ITGA9: variants seen among roughly 807,000 people sequenced by gnomAD.
ITGA9 encodes integrin subunit alpha 9.
Under a neutral mutation model 127.8 loss-of-function variants are expected in ITGA9, and 56 were observed. The ratio of observed to expected loss-of-function variants is 0.44; its 90% confidence interval spans 0.35 to 0.55. The LOEUF is 0.55. Ranked by LOEUF, ITGA9 falls within the 20% of genes least tolerant of loss-of-function variation. The probability of loss-of-function intolerance (pLI) is 0.00; values close to 1 mark genes in which losing one functional copy is unlikely to be tolerated. For synonymous variants in ITGA9, 508 were observed against 514.5 expected (o/e 0.99, Z 0.17); for missense variants, 1,196 against 1,347.1 (o/e 0.89, Z 1.76).
intron 17 of ITGA9, among the ~76,000 whole-genome samples, chr3:37,666,151 C>T (rs949181580): frequency 3.3e-5 from 5 of 152,108 alleles, no homozygotes; most frequent in East Asian, 1.9e-4. Context: ...GTCATGATCA[C>T]GATGGGAATA....
chr3:37,744,646 C>T (rs1696478945), intron 22 of ITGA9, among the ~76,000 whole-genome samples: 1 of 152,228 alleles, frequency 6.6e-6, no homozygotes, highest in South Asian at 2.1e-4. Flanking sequence ...ACTGTTTCTT[C>T]TCTTAGTTGG....
At chr3:37,644,647 T>TAA (rs1051936740) in intron 16 of ITGA9, among the ~76,000 whole-genome samples, 2 of 151,880 alleles carry the variant, frequency 1.3e-5, no homozygotes, top group East Asian at 3.9e-4. Context: ...AGCCATGGAG[T>TAA]AAAAAAAACA....
At chr3:37,798,593 T>G (rs2051203) in intron 26 of ITGA9, among the ~76,000 whole-genome samples, 43,874 of 152,066 alleles carry the variant, frequency 0.29, 8,320 homozygotes, top group African/African-American at 0.55. Context: ...CTGGTGGAGG[T>G]CCCAAATTCT....
intron 17 of ITGA9, among the ~76,000 whole-genome samples, chr3:37,673,899 GTC>G (rs1700659035): frequency 6.6e-6 from 1 of 152,192 alleles, no homozygotes; most frequent in African/African-American, 2.4e-5. Context: ...AAATCCGTGA[GTC>G]TCTAAATTTT....
rs1697299793 is a variant in ITGA9 at position 37,806,594 on chromosome 3, G to T, written c.3009+2652G>T. ...TTTGTTTAAAAAAGCATGGTTGCAGGAGATGCTGTCATGGGTGGGGAGAAC... is the reference window on the plus strand; with the variant it reads ...TTTGTTTAAAAAAGCATGGTTGCAGTAGATGCTGTCATGGGTGGGGAGAAC... On this transcript the variant is annotated intron_variant, in intron 27 of 27. Transcript: ENST00000264741. This position sits in a 1 kb window ranked among gnomAD's most constrained non-coding sequence, Gnocchi z 4.3. 6.6e-6 allele frequency: 1 copy of T among 152,530 alleles called. No homozygotes were observed. Among genetic ancestry groups the T allele is most frequent in the Non-Finnish European group, 1.5e-5 (1 of 68,322 alleles). The allele number at this position is 152,530 out of a possible 1,614,324, so 9.4% of individuals were successfully genotyped here. A position where few individuals can be genotyped will look rare whatever the true frequency, so the allele number is the denominator to read the frequency against.
At chr3:37,541,764 C>G (rs1699275224) in intron 14 of ITGA9, among the ~76,000 whole-genome samples, 1 of 152,208 alleles carries the variant, frequency 6.6e-6, no homozygotes, top group African/African-American at 2.4e-5. Context: ...CTCCAGCCTT[C>G]ATCTGGGTTC....
In ITGA9 at chr3:37,629,220, T is replaced by C. The variant is rs1161362160; in HGVS notation, c.1723T>C (p.Phe575Leu). 2 of 1,613,484 alleles carry C rather than the reference T, an allele frequency of 1.2e-6. No homozygotes were observed. Among genetic ancestry groups the C allele is most frequent in the South Asian group, 2.2e-5 (2 of 91,036 alleles). ...RVQDVISPIV[F>L]EAAYSLSEHV... Reference sequence around the variant, plus strand: ...GCAGGACGTCATCAGCCCGATCGTGTTTGAAGCAGCCTACAGCCTCAGTGA... The same window carrying C: ...GCAGGACGTCATCAGCCCGATCGTGCTTGAAGCAGCCTACAGCCTCAGTGA... The change falls in exon 16 of 28, where the codon TTT becomes CTT. Residue 575 changes from phenylalanine to leucine, a missense_variant. By Grantham distance (22) the Phe-to-Leu change is conservative. Coordinates refer to ENST00000264741, the MANE Select transcript of ITGA9 (RefSeq NM_002207.3). The surrounding 1 kb of genome is among the most constrained non-coding windows in gnomAD (Gnocchi z 4.5).
intron 18 of ITGA9, among the ~76,000 whole-genome samples, chr3:37,691,313 A>G (rs910142597): frequency 6.6e-6 from 1 of 152,142 alleles, no homozygotes; most frequent in African/African-American, 2.4e-5. Context: ...TGAGGTTCTT[A>G]TACAAGATCT....
At chr3:37,466,182 G>T (rs979371882) in intron 1 of ITGA9, among the ~76,000 whole-genome samples, 1 of 151,960 alleles carries the variant, frequency 6.6e-6, no homozygotes, top group Admixed American at 6.6e-5. Flanking sequence ...ATTGATGAGA[G>T]GACCTAAAAG....
At chr3:37,682,997 A>C (rs1559566422) in intron 17 of ITGA9, among the ~76,000 whole-genome samples, 1 of 152,098 alleles carries the variant, frequency 6.6e-6, no homozygotes, top group Non-Finnish European at 1.5e-5. Flanking sequence ...AGCCTCCTTT[A>C]AACACTAACG....
chr3:37,491,445 G>A (rs1180091179), intron 4 of ITGA9, among the ~76,000 whole-genome samples: 1 of 152,238 alleles, frequency 6.6e-6, no homozygotes. Context: ...GGGGCATTTG[G>A]AGACCAAGTA....
At chr3:37,559,934 A>G (rs960190931) in intron 15 of ITGA9, among the ~76,000 whole-genome samples, 6 of 152,214 alleles carry the variant, frequency 3.9e-5, no homozygotes, top group African/African-American at 1.4e-4. Context: ...ATGTGGTCAC[A>G]TCTGTAATTG....
intron 18 of ITGA9, among the ~76,000 whole-genome samples, chr3:37,706,192 G>A (rs1294037819): frequency 6.6e-6 from 1 of 152,260 alleles, no homozygotes; most frequent in East Asian, 1.9e-4. Flanking sequence ...TCAGCTCCAG[G>A]AGGACCCCGT....
intron 15 of ITGA9, among the ~76,000 whole-genome samples, chr3:37,601,606 G>C (rs1223634052): frequency 6.6e-6 from 1 of 152,174 alleles, no homozygotes; most frequent in East Asian, 1.9e-4. Flanking sequence ...ATTCCAGAAA[G>C]AATATTGATA....
intron 4 of ITGA9, among the ~76,000 whole-genome samples, chr3:37,486,652 G>A (rs913899844): frequency 2.0e-5 from 3 of 152,204 alleles, no homozygotes; most frequent in African/African-American, 4.8e-5. Flanking sequence ...TTCCTAAAAT[G>A]ATTTTAAGAG....
rs1267874373 is a variant in ITGA9 at position 37,452,840 on chromosome 3, T to C, written c.185+281T>C. Among the ~76,000 whole-genome samples the C allele has an allele frequency of 6.6e-6, 1 of 151,580 alleles. No homozygotes were observed. Among genetic ancestry groups the C allele is most frequent in the East Asian group, 2.0e-4 (1 of 5,106 alleles). ...GAGCGTGGGGGGAGAGCCGCTAGAG[T>C]TGTCTCCTCCGCCGCCCAGCTAGAC... On this transcript the variant is annotated intron_variant, in intron 1 of 27. Coordinates refer to ENST00000264741, the MANE Select transcript of ITGA9 (RefSeq NM_002207.3). The surrounding 1 kb of genome is among the most constrained non-coding windows in gnomAD (Gnocchi z 7.3).
intron 4 of ITGA9, among the ~76,000 whole-genome samples, chr3:37,491,001 G>A (rs1326561833): frequency 6.0e-5 from 7 of 117,366 alleles, no homozygotes; most frequent in Non-Finnish European, 9.7e-5. Flanking sequence ...TTTTGAGACC[G>A]AATCTGGCTC....
chr3:37,713,594 G>T (rs1013413739), intron 18 of ITGA9, among the ~76,000 whole-genome samples: 14 of 152,138 alleles, frequency 9.2e-5, no homozygotes, highest in Non-Finnish European at 1.5e-4. Context: ...CTGGGGAGGG[G>T]GTGCGGGAGG....
chr3:37,645,297 G>A (rs746173703), intron 16 of ITGA9, among the ~76,000 whole-genome samples: 1 of 152,132 alleles, frequency 6.6e-6, no homozygotes, highest in African/African-American at 2.4e-5. Flanking sequence ...GGCCAGGCAC[G>A]GTGGCTCACG....
Sources: allele counts gnomAD v4.1 joint callset (sites outside exome capture counted in the v4.1 genomes callset), GRCh38; gene constraint gnomAD v4.1.1; non-coding constraint Gnocchi (gnomAD v3.1); transcripts MANE v1.5; gene names NCBI Gene and HGNC (gene_info 2026-07-23, HGNC 2026-07-21).